Variants in GTF2F2 observed in about 807,000 individuals in gnomAD.
GTF2F2 encodes general transcription factor IIF subunit 2, also known as ATP-dependent helicase GTF2F2.
GTF2F2 carries 23 observed loss-of-function variants against 42.2 expected under a neutral mutation model. That is an observed-to-expected ratio of 0.55 (90% CI 0.39 to 0.77). The LOEUF (loss-of-function observed/expected upper bound fraction) is 0.77. Ranked by LOEUF, GTF2F2 falls within the 30% of genes least tolerant of loss-of-function variation. GTF2F2 has a pLI of 0.00. For missense variants in GTF2F2, 261 were observed against 287.2 expected, an observed-to-expected ratio of 0.91 and a Z score of 0.66; for synonymous variants, 105 against 100.8, an observed-to-expected ratio of 1.04 and a Z score of -0.25.
At chr13:45,246,776 G>A (rs1875642146) in intron 5 of GTF2F2, among the ~76,000 whole-genome samples, 1 of 152,184 alleles carries the variant, frequency 6.6e-6, no homozygotes, top group Admixed American at 6.5e-5. Context: ...GGTGGCTCAC[G>A]CCTGTAATCC....
At chr13:45,232,417 A>G (rs557080631) in intron 5 of GTF2F2, among the ~76,000 whole-genome samples, 53 of 152,316 alleles carry the variant, frequency 3.5e-4, no homozygotes, top group South Asian at 1.0e-3. Context: ...ACTTGAGCCC[A>G]GGAATTCAAG....
chr13:45,126,572 G>T (rs1338825273), intron 1 of GTF2F2, among the ~76,000 whole-genome samples: 3 of 152,168 alleles, frequency 2.0e-5, no homozygotes, highest in Non-Finnish European at 4.4e-5. Context: ...TTCTTATGCT[G>T]CCCAGTTTGA....
At chr13:45,153,234 G>A (rs1293387642) in intron 4 of GTF2F2, among the ~76,000 whole-genome samples, 2 of 151,228 alleles carry the variant, frequency 1.3e-5, no homozygotes, top group Admixed American at 1.3e-4. Context: ...TAGCCAGGAT[G>A]GTCTCGATCT....
chr13:45,166,310 A>G (rs1871295501), intron 4 of GTF2F2, among the ~76,000 whole-genome samples: 1 of 152,096 alleles, frequency 6.6e-6, no homozygotes, highest in South Asian at 2.1e-4. Flanking sequence ...TTATGGTCCA[A>G]CTCTATCAGA....
intron 5 of GTF2F2, among the ~76,000 whole-genome samples, chr13:45,236,490 T>C (rs202004095): frequency 2.8e-4 from 40 of 141,986 alleles, no homozygotes; most frequent in South Asian, 7.1e-4. Flanking sequence ...CCGCCACACA[T>C]ACACACACAC....
At chr13:45,282,132 A>G (rs1877294399) in intron 7 of GTF2F2, among the ~76,000 whole-genome samples, 1 of 152,142 alleles carries the variant, frequency 6.6e-6, no homozygotes, top group African/African-American at 2.4e-5. Context: ...TGGGAGGCGG[A>G]GGTTGCAGAG....
At chr13:45,222,883 C>T (rs1036250830) in intron 5 of GTF2F2, among the ~76,000 whole-genome samples, 11 of 152,158 alleles carry the variant, frequency 7.2e-5, no homozygotes, top group African/African-American at 2.2e-4. Context: ...TGGCTGGGCA[C>T]GGTGGCTCAC....
In GTF2F2 at chr13:45,260,902, GCC is replaced by G. The variant is rs138169582; in HGVS notation, c.487-6328_487-6327del. On this transcript the variant is annotated intron_variant, in intron 6 of 7. Transcript: ENST00000340473. ...AAAAATTGGCTGGGTATGGTGGCAT[GCC>G]CCTGTAGTTCCTGGAGTTCGAGACC... is the stretch of plus-strand genomic sequence containing the variant. Among the ~76,000 whole-genome samples, 961 of 152,266 alleles carry G rather than the reference GCC, an allele frequency of 6.3e-3. 11 individuals are homozygous for G. The highest frequency in any genetic ancestry group is 0.022 in the African/African-American group (919 of 41,546).
chr13:45,176,154 A>G (rs1871866786), intron 4 of GTF2F2, among the ~76,000 whole-genome samples: 2 of 152,184 alleles, frequency 1.3e-5, no homozygotes. Flanking sequence ...CTTATTAACA[A>G]TACTGCTATA....
chr13:45,128,118 G>A (rs1193258707), intron 1 of GTF2F2, among the ~76,000 whole-genome samples: 1 of 147,754 alleles, frequency 6.8e-6, no homozygotes, highest in African/African-American at 2.5e-5. Context: ...CCGCCACCAT[G>A]CCCGGCTAAT....
intron 1 of GTF2F2, chr13:45,123,109 T>A (rs185688582): frequency 6.6e-6 from 1 of 152,220 alleles, no homozygotes; most frequent in East Asian, 1.9e-4. Context: ...GAGTGTGATC[T>A]GTCTGGGACA....
chr13:45,182,716 A>G (rs1463456291), intron 4 of GTF2F2, among the ~76,000 whole-genome samples: 1 of 152,068 alleles, frequency 6.6e-6, no homozygotes, highest in Admixed American at 6.5e-5. Context: ...TTTAGAAATC[A>G]TTTTGCTGAT....
chr13:45,149,920 G>A, intron 3 of GTF2F2, 132 bp downstream of exon 3: 2 of 754,110 alleles, frequency 2.7e-6, no homozygotes, highest in Non-Finnish European at 3.8e-6. Context: ...AACACATAAA[G>A]GTATAAATGC....
At chr13:45,247,575 A>G (rs1032492961) in intron 5 of GTF2F2, among the ~76,000 whole-genome samples, 6 of 151,256 alleles carry the variant, frequency 4.0e-5, no homozygotes, top group Admixed American at 2.0e-4. Flanking sequence ...TGTATTTTCA[A>G]TAGAGACAGG....
chr13:45,167,648 TGG>T (rs1871357816), intron 4 of GTF2F2, among the ~76,000 whole-genome samples: 1 of 152,082 alleles, frequency 6.6e-6, no homozygotes, highest in Non-Finnish European at 1.5e-5. Context: ...TCTGCCCGCC[TGG>T]GCCTCCCAAA....
intron 4 of GTF2F2, among the ~76,000 whole-genome samples, chr13:45,187,135 A>G (rs1405196412): frequency 6.6e-6 from 1 of 152,172 alleles, no homozygotes; most frequent in Non-Finnish European, 1.5e-5. Flanking sequence ...CACACTTGTA[A>G]TCCCAGCACT....
intron 4 of GTF2F2, among the ~76,000 whole-genome samples, chr13:45,171,813 C>T (rs1361036398): frequency 6.6e-6 from 1 of 151,958 alleles, no homozygotes; most frequent in Non-Finnish European, 1.5e-5. Context: ...TAGATTTATC[C>T]ATTCTGGACA....
chr13:45,145,405 CT>C (rs1416135399), intron 2 of GTF2F2, among the ~76,000 whole-genome samples: 1 of 152,108 alleles, frequency 6.6e-6, no homozygotes, highest in Non-Finnish European at 1.5e-5. Flanking sequence ...GCCATGGTTC[CT>C]TTTAGGGGAG....
At chr13:45,143,296 T>G (rs1458306184) in intron 2 of GTF2F2, among the ~76,000 whole-genome samples, 9 of 152,120 alleles carry the variant, frequency 5.9e-5, no homozygotes, top group African/African-American at 2.2e-4. Context: ...TGTATTTGGG[T>G]ACAAAATGAA....
Sources: allele counts gnomAD v4.1 joint callset (sites outside exome capture counted in the v4.1 genomes callset), GRCh38; gene constraint gnomAD v4.1.1; transcripts MANE v1.5; gene names NCBI Gene and HGNC (gene_info 2026-07-23, HGNC 2026-07-21).